The following RIPK2 variants were observed in gnomAD, a reference collection of about 807,000 sequenced individuals.
The protein encoded by RIPK2 is receptor-interacting serine/threonine-protein kinase 2.
In RIPK2, 38 loss-of-function variants were observed where a neutral mutation model predicts 60.9. The observed-to-expected ratio is 0.62, with a 90% CI of 0.48 to 0.82. The LOEUF is 0.82. Ranked by LOEUF, RIPK2 falls within the 40% of genes least tolerant of loss-of-function variation. The pLI is 0.00. For missense variants in RIPK2, 518 were observed against 647.0 expected, an observed-to-expected ratio of 0.80 and a Z score of 2.16; for synonymous variants, 225 against 223.4, an observed-to-expected ratio of 1.01 and a Z score of -0.06.
chr8:89,789,531 A>G (rs1268885118), intron 10 of RIPK2, 49 bp downstream of exon 10: 2 of 1,544,980 alleles, frequency 1.3e-6, no homozygotes, highest in Non-Finnish European at 8.8e-7. Flanking sequence ...TTGACCTTAC[A>G]TATCTGTGTT....
At chr8:89,786,516 C>A in intron 8 of RIPK2, 77 bp from the exon 9 acceptor site, 1 of 868,472 alleles carries the variant, frequency 1.2e-6, no homozygotes, top group Non-Finnish European at 1.8e-6. Context: ...TGTGATAAGC[C>A]ACAAACAAGA....
At chr8:89,778,434 C>T (rs1245527613) in intron 6 of RIPK2, among the ~76,000 whole-genome samples, 8 of 152,150 alleles carry the variant, frequency 5.3e-5, no homozygotes, top group Admixed American at 1.3e-4. Context: ...CCATCACCCC[C>T]TACAAAATCC....
intron 7 of RIPK2, among the ~76,000 whole-genome samples, chr8:89,783,058 C>T (rs1235837055): frequency 6.6e-6 from 1 of 152,150 alleles, no homozygotes; most frequent in African/African-American, 2.4e-5. Context: ...GTGCTAGGTA[C>T]ATTATATACA....
rs564130044 is a variant in RIPK2 at position 89,778,526 on chromosome 8, GC to G, written c.854-1547del. ...ATCTATTCTCTGTCTTTCTAGATTT[GC>G]CTTTTCTGGATATTTCATATAAATG... On this transcript the variant is annotated intron_variant, in intron 6 of 10. Coordinates refer to ENST00000220751, the MANE Select transcript of RIPK2 (RefSeq NM_003821.6). Among the ~76,000 whole-genome samples the G allele has an allele frequency of 2.0e-3, 310 of 152,186 alleles. 2 individuals are homozygous for G. The highest frequency in any genetic ancestry group is 6.8e-3 in the Middle Eastern group (2 of 294).
intron 6 of RIPK2, among the ~76,000 whole-genome samples, chr8:89,777,747 T>C (rs535091453): frequency 1.3e-5 from 2 of 152,330 alleles, no homozygotes; most frequent in African/African-American, 4.8e-5. Flanking sequence ...CTAGGATGAC[T>C]GTTTCCTATT....
chr8:89,782,289 T>C (rs1809514031), intron 7 of RIPK2, among the ~76,000 whole-genome samples: 1 of 152,222 alleles, frequency 6.6e-6, no homozygotes, highest in Admixed American at 6.5e-5. Flanking sequence ...TCATACTACT[T>C]AGAACTGCAT....
intron 6 of RIPK2, among the ~76,000 whole-genome samples, chr8:89,774,339 A>G (rs1212231755): frequency 6.6e-6 from 1 of 152,212 alleles, no homozygotes; most frequent in Admixed American, 6.5e-5. Context: ...TTAAAACTGC[A>G]ATGAGTTACC....
In RIPK2 at chr8:89,762,163, G is replaced by A. The variant is rs562567737; in HGVS notation, c.174-666G>A. 2.2e-4 allele frequency among the ~76,000 whole-genome samples: 34 copies of A among 152,086 alleles called. 1 individual carries two copies. The highest frequency in any genetic ancestry group is 4.1e-4 in the South Asian group (2 of 4,820). On this transcript the variant is annotated intron_variant, in intron 1 of 10. Transcript: ENST00000220751. ...TGATCACACCACTGCACTCTAGCCA[G>A]GGTGACAAAGAAAAATAGAAAAAAA...
At chr8:89,782,189 C>A (rs767623689) in intron 7 of RIPK2, among the ~76,000 whole-genome samples, 1 of 152,058 alleles carries the variant, frequency 6.6e-6, no homozygotes, top group African/African-American at 2.4e-5. Flanking sequence ...GACAGTTGTT[C>A]TGGTACTAAC....
intron 4 of RIPK2, among the ~76,000 whole-genome samples, chr8:89,770,637 T>C (rs1809297473): frequency 6.6e-6 from 1 of 151,884 alleles, no homozygotes; most frequent in South Asian, 2.1e-4. Context: ...TCTGAACACA[T>C]TTTATAGTCC....
chr8:89,780,181 C>G (rs1240252881), intron 7 of RIPK2, 21 bp downstream of exon 7: 5 of 1,263,926 alleles, frequency 4.0e-6, no homozygotes, highest in Non-Finnish European at 5.6e-6. Flanking sequence ...AAATGAAATG[C>G]TGGAAATTAG....
chr8:89,759,268 G>A (rs1289659984), intron 1 of RIPK2: 1 of 456,072 alleles, frequency 2.2e-6, no homozygotes, highest in Non-Finnish European at 4.4e-6. Context: ...CCATAGACCT[G>A]TGACTGTGTA....
chr8:89,763,179 G>A (rs1233202401), intron 2 of RIPK2, among the ~76,000 whole-genome samples, 197 bp downstream of exon 2: 1 of 152,030 alleles, frequency 6.6e-6, no homozygotes, highest in Non-Finnish European at 1.5e-5. Context: ...TTCAGGCCCT[G>A]TACTCTAGAT....
chr8:89,780,261 C>A, intron 7 of RIPK2, 101 bp downstream of exon 7: 1 of 585,450 alleles, frequency 1.7e-6, no homozygotes, highest in Admixed American at 3.8e-5. Context: ...ATATACTTTA[C>A]ACAGATATAA....
intron 7 of RIPK2, 55 bp downstream of exon 7, chr8:89,780,215 T>G (rs1809475865): frequency 1.1e-6 from 1 of 881,636 alleles, no homozygotes; most frequent in Admixed American, 2.8e-5. Context: ...TATATAATAT[T>G]CATGGAGATT....
intron 5 of RIPK2, 148 bp from the exon 6 acceptor site, chr8:89,772,519 G>T: frequency 1.6e-5 from 9 of 573,452 alleles, no homozygotes; most frequent in Non-Finnish European, 2.7e-5. Context: ...ATGGTTTGGG[G>T]TATATATATT....
At chr8:89,765,576 C>T (rs1809213777) in intron 3 of RIPK2, 80 bp downstream of exon 3, 3 of 853,604 alleles carry the variant, frequency 3.5e-6, no homozygotes, top group Non-Finnish European at 5.4e-6. Flanking sequence ...TTCGACCTAG[C>T]CAATTTCATG....
At chr8:89,776,471 GGAATATACAA>G (rs1301910998) in intron 6 of RIPK2, among the ~76,000 whole-genome samples, 4 of 152,156 alleles carry the variant, frequency 2.6e-5, no homozygotes, top group Non-Finnish European at 2.9e-5. Context: ...TTAAAATGTA[GGAATATACAA>G]GAACACATTC....
rs35004667 is a variant in RIPK2, at chr8:89,772,777, C to T, written c.802C>T (p.Leu268=). 1.4e-5 allele frequency: 22 copies of T among 1,610,226 alleles called. No homozygotes were observed. Among genetic ancestry groups the T allele is most frequent in the Non-Finnish European group, 1.6e-5 (19 of 1,178,244 alleles). Residue 268 remains leucine, a synonymous_variant, in exon 6 of 11, where the codon CTA becomes TTA. Transcript: ENST00000220751. ...ACCTCACCGAGCACGTATGATCTCTCTAATAGAAAGTGGATGGGCACAAAA... is the reference window on the plus strand; with the variant it reads ...ACCTCACCGAGCACGTATGATCTCTTTAATAGAAAGTGGATGGGCACAAAA... The part of the protein sequence containing the change: ...DIPHRARMIS[L]IESGWAQNPD...
Sources: allele counts gnomAD v4.1 joint callset (sites outside exome capture counted in the v4.1 genomes callset), GRCh38; gene constraint gnomAD v4.1.1; transcripts MANE v1.5; gene names NCBI Gene and HGNC (gene_info 2026-07-23, HGNC 2026-07-21).